PLCG2: variants seen among roughly 807,000 people sequenced by gnomAD.
PLCG2 encodes phospholipase C gamma 2.
Under a neutral mutation model 175.6 loss-of-function variants are expected in PLCG2, and 69 were observed. The observed-to-expected ratio is 0.39, with a 90% CI of 0.32 to 0.48. The LOEUF is 0.48. Among genes scored for constraint, PLCG2 ranks in the 20% least tolerant of loss-of-function variants. The pLI is 0.91. For synonymous variants in PLCG2, 827 were observed against 624.0 expected, an observed-to-expected ratio of 1.33 and a Z score of -4.85; for missense variants, 1,798 against 1,650.9, an observed-to-expected ratio of 1.09 and a Z score of -1.54.
Position 81,958,552 on chromosome 16 carries a change from C to T in PLCG2, c.*554C>T, listed in dbSNP as rs989188576. The T allele has an allele frequency of 4.3e-6, 1 of 231,366 alleles. No individual in the cohort carries two copies. The highest frequency in any genetic ancestry group is 6.1e-5 in the East Asian group (1 of 16,270). 14.3% of individuals were successfully genotyped at this position (231,366 alleles called of 1,614,324 possible). On this transcript the variant is annotated 3_prime_UTR_variant, in exon 33 of 33. Transcript: ENST00000564138. ...CTACCACCGGCTGCCTGCTGCAGTC[C>T]ACAAGAAAATGGCTGAGTGATGGGA...
intron 10 of PLCG2, 91 bp downstream of exon 10, chr16:81,889,364 G>C (rs1908524606): frequency 5.4e-6 from 4 of 744,206 alleles, no homozygotes; most frequent in Non-Finnish European, 9.5e-6. Context: ...TCTTTCCTTG[G>C]AGAACTTTGC....
chr16:81,870,567 G>C (rs1305325287), intron 6 of PLCG2, among the ~76,000 whole-genome samples: 1 of 152,220 alleles, frequency 6.6e-6, no homozygotes, highest in Non-Finnish European at 1.5e-5. Flanking sequence ...AGGTGTCTCT[G>C]TGAGTATGTT....
intron 31 of PLCG2, among the ~76,000 whole-genome samples, chr16:81,951,061 C>A (rs1354106684): frequency 6.6e-6 from 1 of 152,184 alleles, no homozygotes; most frequent in Admixed American, 6.5e-5. Context: ...GATCATGGCT[C>A]ACTGCAGCCT....
chr16:81,921,479 A>G (rs1054298039), intron 21 of PLCG2: 8 of 596,920 alleles, frequency 1.3e-5, no homozygotes, highest in African/African-American at 5.6e-5. Flanking sequence ...TCCAAATGCA[A>G]CAGTGTTTTG....
At chr16:81,956,601 G>T (rs1911578232) in intron 31 of PLCG2, 94 bp from the exon 32 acceptor site, 3 of 1,109,356 alleles carry the variant, frequency 2.7e-6, no homozygotes, top group Admixed American at 2.3e-5. Flanking sequence ...TCTGCCCCAT[G>T]CTCCCTTTGG....
At chr16:81,911,952 C>G (rs1263907484) in intron 18 of PLCG2, among the ~76,000 whole-genome samples, 2 of 151,796 alleles carry the variant, frequency 1.3e-5, no homozygotes, top group Non-Finnish European at 2.9e-5. Context: ...CGCCTGCCAC[C>G]ATGCCTGGCT....
intron 20 of PLCG2, among the ~76,000 whole-genome samples, chr16:81,920,407 CAG>C (rs562373050): frequency 7.2e-4 from 109 of 152,216 alleles, no homozygotes; most frequent in Non-Finnish European, 1.4e-3. Context: ...AGAGGAGAGA[CAG>C]ATAATATACA....
At chr16:81,893,897 C>A in intron 12 of PLCG2, 103 bp downstream of exon 12, 3 of 677,598 alleles carry the variant, frequency 4.4e-6, no homozygotes, top group South Asian at 3.3e-5. Context: ...TTTTAATGGA[C>A]ACATAATAAC....
Position 81,950,630 on chromosome 16 carries a change from T to C in PLCG2, c.3570+4367T>C, listed in dbSNP as rs553378189. Among the ~76,000 whole-genome samples, 4 of 152,358 alleles carry C rather than the reference T, an allele frequency of 2.6e-5. No individual in the cohort carries two copies. In the South Asian group the frequency reaches 6.2e-4, roughly 24 times the overall value. ...GATTGCATTCGTTAGAAAACTTTAA[T>C]ACATTTTTTAAAAATAATGATTTCC... On this transcript the variant is annotated intron_variant, in intron 31 of 32. Transcript: ENST00000564138.
At chr16:81,956,515 A>C (rs958048159) in intron 31 of PLCG2, among the ~76,000 whole-genome samples, 180 bp from the exon 32 acceptor site, 3 of 152,212 alleles carry the variant, frequency 2.0e-5, no homozygotes, top group Non-Finnish European at 4.4e-5. Flanking sequence ...CTTCCCACAC[A>C]ATAAATAATT....
intron 31 of PLCG2, among the ~76,000 whole-genome samples, chr16:81,948,105 C>T (rs1193636207): frequency 7.4e-6 from 1 of 136,044 alleles, no homozygotes. Flanking sequence ...TATAGGTCTT[C>T]ATGTAATATT....
chr16:81,907,716 A>G lies in PLCG2; in HGVS notation c.1499A>G (p.Asp500Gly). The change falls in exon 16 of 33, where the codon GAT (aspartate) becomes GGT (glycine). Residue 500 changes from aspartate (D) to glycine (G), a missense_variant. Coordinates refer to ENST00000564138, the MANE Select transcript of PLCG2 (RefSeq NM_002661.5). ...ACTCGGCACTACTGCGCCATTGCCG[A>G]TGCCAAGCTGTCCTTCAGTGATGAC... ...KWTRHYCAIADAKLSFSDDIE... is the reference protein window; with the variant it reads ...KWTRHYCAIAGAKLSFSDDIE... 1 of 1,614,066 alleles carries G rather than the reference A, an allele frequency of 6.2e-7. No homozygotes were observed. Among genetic ancestry groups the G allele is most frequent in the Non-Finnish European group, 8.5e-7 (1 of 1,179,922 alleles).
In PLCG2 at chr16:81,883,359, G is replaced by C. The variant is rs1908186695; in HGVS notation, c.765+18G>C. 5 of 1,607,138 alleles carry C rather than the reference G, an allele frequency of 3.1e-6. No individual in the cohort carries two copies. Among genetic ancestry groups the C allele is most frequent in the South Asian group, 2.2e-5 (2 of 90,964 alleles). On this transcript the variant is annotated intron_variant, in intron 9 of 32. Transcript: ENST00000564138. ...AACAGCAGGTGAGAGCACAAGGTGT[G>C]TGGGTGCCTGAGGGAGCTGGCGGGA...
In PLCG2 at chr16:81,860,169, A is replaced by T. The variant is rs56099607; in HGVS notation, c.479+1006A>T. On this transcript the variant is annotated intron_variant, in intron 5 of 32. Transcript: ENST00000564138. ...TATTATTATTATTATTATTATTATT[A>T]TTATTTTTTTTTTTTTTTGTAAAGG... Among the ~76,000 whole-genome samples, 347 of 93,302 alleles carry T rather than the reference A, an allele frequency of 3.7e-3. 1 individual carries two copies. The highest frequency in any genetic ancestry group is 0.022 in the South Asian group (63 of 2,920). 61.2% of individuals were successfully genotyped at this position (93,302 alleles called of 152,430 possible).
chr16:81,858,489 A>G (rs946281003), intron 4 of PLCG2, 133 bp downstream of exon 4: 1 of 689,304 alleles, frequency 1.5e-6, no homozygotes. Flanking sequence ...AGTGTCTTGT[A>G]TGCAATGGGT....
chr16:81,771,929 T>G (rs747405160), intron 2 of PLCG2, among the ~76,000 whole-genome samples: 3 of 152,058 alleles, frequency 2.0e-5, no homozygotes, highest in Non-Finnish European at 4.4e-5. Context: ...GACTACAGGC[T>G]GTGCCTCTAC....
intron 2 of PLCG2, among the ~76,000 whole-genome samples, chr16:81,837,873 A>G (rs572021142): frequency 1.3e-5 from 2 of 152,264 alleles, no homozygotes; most frequent in South Asian, 4.1e-4. Flanking sequence ...GGATATTAAC[A>G]TTCACAACAT....
At chr16:81,948,540 A>G (rs915881496) in intron 31 of PLCG2, among the ~76,000 whole-genome samples, 1 of 152,190 alleles carries the variant, frequency 6.6e-6, no homozygotes, top group Non-Finnish European at 1.5e-5. Flanking sequence ...GTTGTGCACT[A>G]GATTAAGGCT....
rs781289121 is a variant in PLCG2, at chr16:81,937,713, C to T, written c.3053-45C>T. On this transcript the variant is annotated intron_variant, in intron 27 of 32. Coordinates refer to ENST00000564138, the MANE Select transcript of PLCG2 (RefSeq NM_002661.5). ...AGAAACTCCTGGCCTAGGGGGCCAG[C>T]GTGCTCATGCCTGACTTACAGCAGG... The T allele has an allele frequency of 4.2e-5, 66 of 1,583,484 alleles. No individual in the cohort carries two copies. In the Middle Eastern group the frequency reaches 5.0e-4, roughly 12 times the overall value.
Sources: allele counts gnomAD v4.1 joint callset (sites outside exome capture counted in the v4.1 genomes callset), GRCh38; gene constraint gnomAD v4.1.1; transcripts MANE v1.5; gene names NCBI Gene and HGNC (gene_info 2026-07-23, HGNC 2026-07-21).